PRKRIP1: variants seen among roughly 807,000 people sequenced by gnomAD.
The protein encoded by PRKRIP1 is PRKR interacting protein 1.
PRKRIP1 carries 29 observed loss-of-function variants against 29.3 expected under a neutral mutation model. The ratio of observed to expected loss-of-function variants is 0.99; its 90% confidence interval spans 0.74 to 1.35. The LOEUF is 1.35. Among genes scored for constraint, PRKRIP1 ranks in the 40% most tolerant of loss-of-function variants. The probability of loss-of-function intolerance (pLI) is 0.00; values close to 1 mark genes in which losing one functional copy is unlikely to be tolerated. For synonymous variants in PRKRIP1, 90 were observed against 85.1 expected (o/e 1.06, Z -0.32); for missense variants, 247 against 236.8 (o/e 1.04, Z -0.28).
At position 102,407,435 on chromosome 7, in the gene PRKRIP1, CA is replaced by C; in HGVS notation, c.395del (p.Gln132ArgfsTer3). On this transcript the variant is annotated frameshift_variant and splice_region_variant, in exon 5 of 6. Transcript: ENST00000397912. LOFTEE classifies it high-confidence loss of function. ...ATGTATATGGTTTTACATTTTTAGC[CA>C]GAAGTTAAAAGAGAAGAAATTACTG... Reference protein sequence around the residue: ...EQTAKRRKKRQKLKEKKLLAK... With the variant: ...EQTAKRRKKRXKLKEKKLLAK... The C allele has an allele frequency of 6.2e-7, 1 of 1,602,850 alleles. No homozygotes were observed. Among genetic ancestry groups the C allele is most frequent in the Non-Finnish European group, 8.5e-7 (1 of 1,169,992 alleles).
chr7:102,400,947 TA>T (rs1796054179), intron 3 of PRKRIP1, among the ~76,000 whole-genome samples: 1 of 152,092 alleles, frequency 6.6e-6, no homozygotes, highest in Non-Finnish European at 1.5e-5. Flanking sequence ...GCTATTACTT[TA>T]AAAGGAAGAA....
intron 5 of PRKRIP1, among the ~76,000 whole-genome samples, chr7:102,420,909 A>G (rs1796676568): frequency 4.6e-5 from 7 of 151,958 alleles, no homozygotes; most frequent in Admixed American, 4.6e-4. Context: ...CTGCAATACA[A>G]CCTTTCCACA....
chr7:102,409,479 G>A (rs1341559502), intron 5 of PRKRIP1, among the ~76,000 whole-genome samples: 3 of 151,756 alleles, frequency 2.0e-5, no homozygotes, highest in Admixed American at 6.6e-5. Flanking sequence ...TATTATATTT[G>A]GAAATTTGAG....
chr7:102,397,656 T>C lies in PRKRIP1; in HGVS notation c.163T>C (p.Trp55Arg). Residue 55 changes from tryptophan (W) to arginine (R), a missense_variant, in exon 2 of 6, where the codon TGG becomes CGG. Around this residue, in one of 3 missense-constraint regions of PRKRIP1, gnomAD observed 105 missense variants for 80.2 expected, o/e 1.31. Transcript: ENST00000397912. ...AVPIPEKMSE[W>R]APRPPPEFVR... is the part of the protein sequence containing the mutation. ...TCCAATTCCAGAGAAAATGAGTGAA[T>C]GGGCACCTCGACCTCCCCCAGAATT... 1 of 1,613,950 alleles carries C rather than the reference T, an allele frequency of 6.2e-7. No homozygotes were observed. Among genetic ancestry groups the C allele is most frequent in the Non-Finnish European group, 8.5e-7 (1 of 1,179,962 alleles).
intron 5 of PRKRIP1, among the ~76,000 whole-genome samples, chr7:102,412,650 G>C (rs1006570170): frequency 3.1e-4 from 47 of 152,312 alleles, no homozygotes; most frequent in Admixed American, 6.5e-5. Context: ...TTATCTGCTG[G>C]AAAGAAATGG....
At chr7:102,406,056 G>A (rs1011743390) in intron 4 of PRKRIP1, among the ~76,000 whole-genome samples, 1 of 152,180 alleles carries the variant, frequency 6.6e-6, no homozygotes, top group South Asian at 2.1e-4. Context: ...AGCCCAATTT[G>A]TTCAACCTTT....
Position 102,425,288 on chromosome 7 carries a change from GC to G in PRKRIP1, c.*179del. 1 of 1,331,770 alleles carries G rather than the reference GC, an allele frequency of 7.5e-7. No homozygotes were observed. Among genetic ancestry groups the G allele is most frequent in the Non-Finnish European group, 1.0e-6 (1 of 987,738 alleles). The allele number at this position is 1,331,770 out of a possible 1,614,324, so 82.5% of individuals were successfully genotyped here. A position where few individuals can be genotyped will look rare whatever the true frequency, so the allele number is the denominator to read the frequency against. The stretch of plus-strand genomic sequence containing the variant: ...TTTGGCAGGTTTGGGAGCCTGAGGG[GC>G]CATCTCCCTGACACTCAGAGGCACT... On this transcript the variant is annotated 3_prime_UTR_variant, in exon 6 of 6. Coordinates refer to ENST00000397912, the MANE Select transcript of PRKRIP1 (RefSeq NM_024653.4).
intron 5 of PRKRIP1, among the ~76,000 whole-genome samples, chr7:102,419,878 TGTGTGTGTGTGTGTGTG>T (rs1554573560): frequency 4.0e-5 from 6 of 148,554 alleles, no homozygotes; most frequent in Non-Finnish European, 8.9e-5. Context: ...TGTGTGTGTG[TGTGTGTGTGTGTGTGTG>T]TTTTTGAGAT....
chr7:102,404,715 T>C (rs1554571638), intron 4 of PRKRIP1, 32 bp downstream of exon 4: 1 of 1,574,558 alleles, frequency 6.4e-7, no homozygotes, highest in South Asian at 1.1e-5. Flanking sequence ...TGATGACACT[T>C]AAGGGCCAGG....
At chr7:102,419,849 G>T (rs1348253327) in intron 5 of PRKRIP1, among the ~76,000 whole-genome samples, 1 of 8,862 alleles carries the variant, frequency 1.1e-4, no homozygotes, top group African/African-American at 1.2e-4. Flanking sequence ...GTGTTTTTGT[G>T]TGTGTGTGTG....
intron 5 of PRKRIP1, among the ~76,000 whole-genome samples, chr7:102,420,444 G>T (rs1455977657): frequency 6.6e-6 from 1 of 152,078 alleles, no homozygotes; most frequent in African/African-American, 2.4e-5. Flanking sequence ...TTTTTGTTTT[G>T]ATTTGTGACA....
chr7:102,417,355 C>T (rs1380406380), intron 5 of PRKRIP1, among the ~76,000 whole-genome samples: 2 of 152,104 alleles, frequency 1.3e-5, no homozygotes, highest in Non-Finnish European at 2.9e-5. Flanking sequence ...GAGTGTGGGG[C>T]TGTGTTCCTC....
intron 5 of PRKRIP1, among the ~76,000 whole-genome samples, chr7:102,414,515 G>A (rs1554572854): frequency 6.6e-6 from 1 of 152,194 alleles, no homozygotes; most frequent in East Asian, 1.9e-4. Flanking sequence ...TGAAACAGTA[G>A]ATTGATTCCA....
intron 5 of PRKRIP1, among the ~76,000 whole-genome samples, chr7:102,420,780 C>CCAT (rs1796672215): frequency 6.6e-6 from 1 of 152,158 alleles, no homozygotes; most frequent in Non-Finnish European, 1.5e-5. Context: ...ACTGACATGA[C>CCAT]GCTCCAAGTA....
At chr7:102,418,024 T>G (rs1276901960) in intron 5 of PRKRIP1, among the ~76,000 whole-genome samples, 3 of 2,026 alleles carry the variant, frequency 1.5e-3, no homozygotes, top group African/African-American at 2.7e-3. Context: ...GCTGCTGCTT[T>G]CTTCTTCTTC....
intron 2 of PRKRIP1, 82 bp downstream of exon 2, chr7:102,397,780 T>C: frequency 7.5e-7 from 1 of 1,338,832 alleles, no homozygotes. Flanking sequence ...GCGTGGTGGC[T>C]CATGCCTCTA....
At chr7:102,405,459 G>A (rs368637579) in intron 4 of PRKRIP1, among the ~76,000 whole-genome samples, 1 of 152,160 alleles carries the variant, frequency 6.6e-6, no homozygotes, top group East Asian at 1.9e-4. Flanking sequence ...ACCAGGCATG[G>A]TGGCTCACAG....
At chr7:102,405,190 G>T (rs961337545) in intron 4 of PRKRIP1, among the ~76,000 whole-genome samples, 19 of 152,146 alleles carry the variant, frequency 1.2e-4, no homozygotes, top group Admixed American at 3.9e-4. Context: ...GCCTCCCAAA[G>T]TGCTGGGATT....
chr7:102,425,484 A>C lies in PRKRIP1; in HGVS notation c.*373A>C. 3.2e-6 allele frequency: 1 copy of C among 309,322 alleles called. No individual in the cohort carries two copies. Among genetic ancestry groups the C allele is most frequent in the Admixed American group, 5.1e-5 (1 of 19,580 alleles). The allele number at this position is 309,322 out of a possible 1,614,324, so 19.2% of individuals were successfully genotyped here. Reference sequence around the variant, plus strand: ...GGGACATGTGGACCGTGAGTCGCAAACACTCTGGAGAAGGCTGAGATGCCA... The same window carrying C: ...GGGACATGTGGACCGTGAGTCGCAACCACTCTGGAGAAGGCTGAGATGCCA... On this transcript the variant is annotated 3_prime_UTR_variant, in exon 6 of 6. Coordinates refer to ENST00000397912, the MANE Select transcript of PRKRIP1 (RefSeq NM_024653.4).
Sources: allele counts gnomAD v4.1 joint callset (sites outside exome capture counted in the v4.1 genomes callset), GRCh38; gene constraint gnomAD v4.1.1; regional missense constraint gnomAD v4.1.1; transcripts MANE v1.5; gene names NCBI Gene and HGNC (gene_info 2026-07-23, HGNC 2026-07-21).